Variants in HPS5 observed in about 807,000 individuals in gnomAD.
HPS5 encodes BLOC-2 complex member HPS5.
In HPS5, 83 loss-of-function variants were observed where a neutral mutation model predicts 128.0. That is an observed-to-expected ratio of 0.65 (90% CI 0.54 to 0.78). HPS5 has a LOEUF of 0.78. HPS5 is among the 30% of genes least tolerant of loss of function. The pLI is 0.00. For missense variants in HPS5, 1,281 were observed against 1,326.2 expected, an observed-to-expected ratio of 0.97 and a Z score of 0.53; for synonymous variants, 475 against 470.2, an observed-to-expected ratio of 1.01 and a Z score of -0.13.
chr11:18,291,514 CTCTTT>C lies in HPS5; in HGVS notation c.2363_2367del (p.Lys788SerfsTer8), dbSNP rs777610114. ...TAACTAAGCTTGATACTCTCCTTCG[CTCTTT>C]TCAAGTTCAGGAGAAAAAAGTACTT... On this transcript the variant is annotated frameshift_variant, in exon 16 of 23. Transcript: ENST00000349215. LOFTEE classifies it high-confidence loss of function. The C allele has an allele frequency of 3.1e-6, 5 of 1,612,532 alleles. No individual in the cohort carries two copies. In the South Asian group the frequency reaches 3.3e-5, roughly 11 times the overall value.
rs1227353264 is a variant in HPS5, at chr11:18,296,850, T to C, written c.1458A>G (p.Ser486=). 1 of 1,614,028 alleles carries C rather than the reference T, an allele frequency of 6.2e-7. No individual in the cohort carries two copies. Among genetic ancestry groups the C allele is most frequent in the Non-Finnish European group, 8.5e-7 (1 of 1,179,926 alleles). Reference sequence around the variant, plus strand: ...GATCTGGCAGGTCCTCTTCCTGCTGTGAGGTGAATTCTTTAAATCTCTCAT... The same window carrying C: ...GATCTGGCAGGTCCTCTTCCTGCTGCGAGGTGAATTCTTTAAATCTCTCAT... ...SEDERFKEFT[S]QQEEDLPDQC... The change falls in exon 12 of 23, where the codon TCA becomes TCG. Residue 486 remains serine (S), a synonymous_variant. Transcript: ENST00000349215.
At chr11:18,287,758 GTTAC>G in intron 17 of HPS5, 68 bp from the exon 18 acceptor site, 1 of 1,593,188 alleles carries the variant, frequency 6.3e-7, no homozygotes, top group Non-Finnish European at 8.6e-7. Context: ...TTACATTTAG[GTTAC>G]TTATTACAAA....
At chr11:18,309,591 A>G (rs1862740707) in intron 5 of HPS5, among the ~76,000 whole-genome samples, 1 of 152,234 alleles carries the variant, frequency 6.6e-6, no homozygotes, top group Non-Finnish European at 1.5e-5. Flanking sequence ...AGACAAAATA[A>G]GTTTACTAGG....
chr11:18,288,329 T>C (rs1859994364), intron 16 of HPS5, among the ~76,000 whole-genome samples: 1 of 152,240 alleles, frequency 6.6e-6, no homozygotes, highest in Non-Finnish European at 1.5e-5. Context: ...ATAGCAACTG[T>C]CCATATAAGC....
chr11:18,297,850 C>T (rs975444468), intron 10 of HPS5, 133 bp from the exon 11 acceptor site: 7 of 797,760 alleles, frequency 8.8e-6, no homozygotes, highest in African/African-American at 8.6e-5. Context: ...GAGGCCGAGG[C>T]GGGCAGATCC....
chr11:18,306,152 G>T lies in HPS5; in HGVS notation c.807C>A (p.Leu269=). The T allele has an allele frequency of 6.2e-7, 1 of 1,611,284 alleles. No individual in the cohort carries two copies. The highest frequency in any genetic ancestry group is 8.5e-7 in the Non-Finnish European group (1 of 1,177,424). The stretch of plus-strand genomic sequence containing the variant: ...ATCGTTACCTGAGAGTAATCACAGG[G>T]AGAGGTGGCAACGAGAGGAGTTTCT... ...QFKKLLSLPP[L]PVITLRSEPQ... is the part of the protein sequence containing the mutation. The change falls in exon 7 of 23, where the codon CTC becomes CTA. Residue 269 remains leucine, a synonymous_variant. Coordinates refer to ENST00000349215, the MANE Select transcript of HPS5 (RefSeq NM_181507.2).
At chr11:18,299,618 C>A (rs1861468165) in intron 9 of HPS5, among the ~76,000 whole-genome samples, 1 of 152,170 alleles carries the variant, frequency 6.6e-6, no homozygotes. Flanking sequence ...CTGGTTTTAA[C>A]CCAAAGAATA....
rs550516795 is a variant in HPS5, at chr11:18,317,905, C to T, written c.-47G>A. On this transcript the variant is annotated splice_region_variant and 5_prime_UTR_variant, in exon 2 of 23. The change abolishes the stop of an existing upstream ORF in the 5' untranslated region. Coordinates refer to ENST00000349215, the MANE Select transcript of HPS5 (RefSeq NM_181507.2). Reference sequence around the variant, plus strand: ...GTTGAATGATAGATACAGTATTCCTCACCTGAATAAAATCCACAAAAATAT... The same window carrying T: ...GTTGAATGATAGATACAGTATTCCTTACCTGAATAAAATCCACAAAAATAT... The T allele has an allele frequency of 4.7e-5, 75 of 1,589,360 alleles. No homozygotes were observed. The highest frequency in any genetic ancestry group is 6.2e-5 in the Non-Finnish European group (72 of 1,164,048).
intron 8 of HPS5, 121 bp from the exon 9 acceptor site, chr11:18,301,037 G>T (rs988045588): frequency 2.1e-5 from 15 of 706,078 alleles, no homozygotes; most frequent in African/African-American, 1.8e-4. Context: ...GAAAACACAA[G>T]AGTGATCCAG....
At chr11:18,313,634 G>A (rs1024753695) in intron 2 of HPS5, among the ~76,000 whole-genome samples, 1 of 152,180 alleles carries the variant, frequency 6.6e-6, no homozygotes, top group Non-Finnish European at 1.5e-5. Flanking sequence ...AAGAAATCCA[G>A]GCCAGGCGCA....
In HPS5 at chr11:18,306,278, T is replaced by A; in HGVS notation, c.681A>T (p.Arg227Ser). ...TCAGAGGTTGCTGGCCCCCAGAACATCTTCCAGGAAAGAAACAAGCTCCAT... is the reference window on the plus strand; with the variant it reads ...TCAGAGGTTGCTGGCCCCCAGAACAACTTCCAGGAAAGAAACAAGCTCCAT... ...GEYGACFFPG[R>S]CSGGQQPLIY... The change falls in exon 7 of 23, where the codon AGA (arginine) becomes AGT (serine). Residue 227 changes from arginine to serine, a missense_variant. Transcript: ENST00000349215. 6.2e-7 allele frequency: 1 copy of A among 1,614,166 alleles called. No individual in the cohort carries two copies. The highest frequency in any genetic ancestry group is 8.5e-7 in the Non-Finnish European group (1 of 1,180,016).
In HPS5 at chr11:18,291,845, T is replaced by C; in HGVS notation, c.2037A>G (p.Ser679=). The change falls in exon 16 of 23, where the codon TCA becomes TCG. Residue 679 remains serine, a synonymous_variant. Coordinates refer to ENST00000349215, the MANE Select transcript of HPS5 (RefSeq NM_181507.2). ...LNQDVLLVNE[S]KKGILDEDNE... ...TATCTTCATCTAATATTCCCTTTTT[T>C]GATTCATTAACTAATAGCACATCCT... 1 of 1,611,320 alleles carries C rather than the reference T, an allele frequency of 6.2e-7. No homozygotes were observed. Among genetic ancestry groups the C allele is most frequent in the Non-Finnish European group, 8.5e-7 (1 of 1,178,794 alleles).
intron 6 of HPS5, 57 bp from the exon 7 acceptor site, chr11:18,306,404 A>T (rs1286988076): frequency 1.7e-6 from 2 of 1,196,610 alleles, no homozygotes; most frequent in African/African-American, 3.0e-5. Context: ...GTCAAAAACA[A>T]CGGCACTACA....
chr11:18,314,907 C>T (rs557844503), intron 2 of HPS5, among the ~76,000 whole-genome samples: 1 of 152,168 alleles, frequency 6.6e-6, no homozygotes, highest in African/African-American at 2.4e-5. Context: ...TGCCATATTT[C>T]CCAAGCGGTC....
chr11:18,289,116 C>T (rs1273761649), intron 16 of HPS5, among the ~76,000 whole-genome samples: 3 of 152,206 alleles, frequency 2.0e-5, no homozygotes, highest in Non-Finnish European at 4.4e-5. Context: ...ATAATTATCA[C>T]ATCATTAGAA....
rs565285131 is a variant in HPS5, at chr11:18,281,383, C to G, written c.3329+567G>C. On this transcript the variant is annotated intron_variant, in intron 22 of 22. Coordinates refer to ENST00000349215, the MANE Select transcript of HPS5 (RefSeq NM_181507.2). The stretch of plus-strand genomic sequence containing the variant: ...TACTGGGATTACAGGCATAAGCCAC[C>G]GTACCCAGCCAGGTACCAGTAATTT... Among the ~76,000 whole-genome samples the G allele has an allele frequency of 3.4e-3, 523 of 151,830 alleles. 1 individual carries two copies. Among genetic ancestry groups the G allele is most frequent in the African/African-American group, 0.012 (484 of 41,376 alleles).
chr11:18,289,640 T>C (rs912256643), intron 16 of HPS5, among the ~76,000 whole-genome samples: 2 of 152,234 alleles, frequency 1.3e-5, no homozygotes, highest in African/African-American at 4.8e-5. Flanking sequence ...TCTGTAACTA[T>C]AGATCCATGT....
chr11:18,291,712 A>G lies in HPS5; in HGVS notation c.2170T>C (p.Cys724Arg), dbSNP rs188529016. 1 of 1,614,234 alleles carries G rather than the reference A, an allele frequency of 6.2e-7. No homozygotes were observed. Among genetic ancestry groups the G allele is most frequent in the African/African-American group, 1.3e-5 (1 of 75,074 alleles). ...RESLDDLFQI[C>R]SPCAIASGLR... ...CCACTTGCAATGGCGCATGGAGAACATATTTGAAACAGGTCATCCAAAGAC... is the reference window on the plus strand; with the variant it reads ...CCACTTGCAATGGCGCATGGAGAACGTATTTGAAACAGGTCATCCAAAGAC... The change falls in exon 16 of 23, where the codon TGT (cysteine) becomes CGT (arginine). Residue 724 changes from cysteine (C) to arginine (R), a missense_variant. Physicochemically the swap from Cys to Arg is radical, Grantham distance 180 (BLOSUM62 -3). Coordinates refer to ENST00000349215, the MANE Select transcript of HPS5 (RefSeq NM_181507.2).
intron 4 of HPS5, 24 bp downstream of exon 4, chr11:18,311,363 G>A (rs2133857642): frequency 1.1e-5 from 17 of 1,494,774 alleles, no homozygotes; most frequent in Non-Finnish European, 1.6e-5. Flanking sequence ...AAAAAGGACA[G>A]ATAGTTTTGG....
Sources: gnomAD v4.1 joint callset for allele counts (sites outside exome capture counted in the v4.1 genomes callset) on GRCh38, gnomAD v4.1.1 for gene constraint, MANE v1.5 for transcripts, NCBI Gene and HGNC (gene_info 2026-07-23, HGNC 2026-07-21) for gene names.